DST: variants seen among roughly 807,000 people sequenced by gnomAD.
DST encodes the protein dystonin, also known as bullous pemphigoid antigen.
In DST, 253 loss-of-function variants were observed where a neutral mutation model predicts 875.2. That is an observed-to-expected ratio of 0.29 (90% confidence interval 0.26 to 0.32). DST has a LOEUF of 0.32. Ranked by LOEUF, DST falls within the 10% of genes least tolerant of loss-of-function variation. The pLI, the probability that DST is intolerant of heterozygous loss-of-function variation, is 1.00. For synonymous variants in DST, 3,124 were observed against 3,197.1 expected (o/e 0.98, Z 0.77); for missense variants, 8,287 against 9,111.6 (o/e 0.91, Z 3.68).
intron 77 of DST, 50 bp downstream of exon 77, chr6:56,506,393 A>G: frequency 6.9e-7 from 1 of 1,454,350 alleles, no homozygotes; most frequent in Non-Finnish European, 9.4e-7. Flanking sequence ...ATCAATTAGT[A>G]CGATTCCTCC....
intron 82 of DST, among the ~76,000 whole-genome samples, chr6:56,496,273 A>T (rs2152449159): frequency 6.6e-6 from 1 of 152,314 alleles, no homozygotes; most frequent in South Asian, 2.1e-4. Flanking sequence ...TTTCTATGAA[A>T]GAAAGCCCAC....
chr6:56,953,083 G>A (rs1562514426), intron 2 of DST, among the ~76,000 whole-genome samples: 1 of 152,174 alleles, frequency 6.6e-6, no homozygotes, highest in African/African-American at 2.4e-5. Flanking sequence ...CAAGCCTGGC[G>A]GCGTGCAACT....
At chr6:56,893,581 T>TTA (rs1788919487) in intron 3 of DST, among the ~76,000 whole-genome samples, 3 of 87,036 alleles carry the variant, frequency 3.4e-5, no homozygotes, top group Non-Finnish European at 2.3e-5. Context: ...TTTTTTTTTT[T>TTA]TTTTTTATTT....
chr6:56,651,075 A>T, intron 11 of DST, 43 bp from the exon 12 acceptor site: 1 of 1,589,208 alleles, frequency 6.3e-7, no homozygotes, highest in African/African-American at 1.3e-5. Context: ...AATGTTGATA[A>T]ATTACTTTTG....
In DST at chr6:56,645,922, C is replaced by T. The variant is rs549595253; in HGVS notation, c.1722G>A (p.Gly574=). ...TCTCTAGCATGGCAATAATGAGTTTCCCCCACTCTTTTTCTATGTCATTTG... is the reference window on the plus strand; with the variant it reads ...TCTCTAGCATGGCAATAATGAGTTTTCCCCACTCTTTTTCTATGTCATTTG... ...YHPNDIEKEW[G]KLIIAMLERE... The change falls in exon 15 of 104, where the codon GGG becomes GGA. Residue 574 remains glycine, a synonymous_variant. Transcript: ENST00000680361. 135 of 1,613,774 alleles carry T rather than the reference C, an allele frequency of 8.4e-5. 1 individual carries two copies. The East Asian group carries it at 2.8e-3, about 34-fold the overall frequency.
chr6:56,902,212 T>C lies in DST; in HGVS notation c.217-1591A>G, dbSNP rs79694572. Among the ~76,000 whole-genome samples, 1,360 of 152,286 alleles carry C rather than the reference T, an allele frequency of 8.9e-3. 18 individuals are homozygous for C. Among genetic ancestry groups the C allele is most frequent in the African/African-American group, 0.031 (1,300 of 41,572 alleles). ...CTGGTATGAGGGTACAAGCTAAATA[T>C]GGTGGGAAACTAGTGAGAGATAAAC... On this transcript the variant is annotated intron_variant, in intron 2 of 103. Coordinates refer to ENST00000680361, the MANE Select transcript of DST (RefSeq NM_001374736.1).
chr6:56,791,485 G>A (rs2099723487), intron 4 of DST, among the ~76,000 whole-genome samples: 1 of 152,104 alleles, frequency 6.6e-6, no homozygotes, highest in Non-Finnish European at 1.5e-5. Context: ...ATAAATGTAT[G>A]ATTTAAAAAT....
intron 10 of DST, among the ~76,000 whole-genome samples, chr6:56,667,130 C>T (rs2099076077): frequency 6.6e-6 from 1 of 152,048 alleles, no homozygotes; most frequent in Admixed American, 6.6e-5. Context: ...GGCTGGTCTC[C>T]AACTCCTGAG....
At chr6:56,516,121 A>G (rs1324552356) in intron 71 of DST, among the ~76,000 whole-genome samples, 3 of 123,614 alleles carry the variant, frequency 2.4e-5, no homozygotes, top group African/African-American at 9.9e-5. Context: ...TATATATAGA[A>G]AGAGAGAGAG....
At chr6:56,669,448 T>G (rs1018003746) in intron 10 of DST, among the ~76,000 whole-genome samples, 3 of 151,732 alleles carry the variant, frequency 2.0e-5, no homozygotes, top group African/African-American at 7.3e-5. Context: ...ATACAAAAAT[T>G]AGCCGGGTGT....
chr6:56,888,060 C>G (rs1338396100), intron 3 of DST, among the ~76,000 whole-genome samples: 1 of 151,556 alleles, frequency 6.6e-6, no homozygotes, highest in Non-Finnish European at 1.5e-5. Context: ...AAGCGATTCT[C>G]CTGCCTCAGC....
At chr6:56,806,972 TGAGA>T (rs1590865548) in intron 4 of DST, among the ~76,000 whole-genome samples, 1 of 152,222 alleles carries the variant, frequency 6.6e-6, no homozygotes. Context: ...TAAAGATGGC[TGAGA>T]GAAATTAAAG....
intron 49 of DST, among the ~76,000 whole-genome samples, chr6:56,582,842 G>A (rs962371119): frequency 1.4e-4 from 21 of 151,970 alleles, no homozygotes; most frequent in Admixed American, 3.9e-4. Flanking sequence ...GAGAACATGC[G>A]GTGTTTGGTT....
chr6:56,720,797 C>A (rs897340816), intron 5 of DST, among the ~76,000 whole-genome samples: 15 of 152,292 alleles, frequency 9.8e-5, no homozygotes, highest in Admixed American at 5.9e-4. Flanking sequence ...TTTCTTTTCC[C>A]CACATTTCCC....
chr6:56,658,424 C>G (rs1398081130), intron 10 of DST, among the ~76,000 whole-genome samples: 1 of 152,060 alleles, frequency 6.6e-6, no homozygotes, highest in Non-Finnish European at 1.5e-5. Context: ...AAATCACGTA[C>G]AGAGCATCTG....
In DST at chr6:56,763,086, G is replaced by C. The variant is rs188296557; in HGVS notation, c.626-27797C>G. ...GCTGGTCTCGAACTCCTGACCTCAG[G>C]TGATCTGCCCATCTCGGCCTCCCAA... On this transcript the variant is annotated intron_variant, in intron 4 of 103. Transcript: ENST00000680361. Among the ~76,000 whole-genome samples, 1,343 of 152,054 alleles carry C rather than the reference G, an allele frequency of 8.8e-3. 16 individuals carry two copies. Among genetic ancestry groups the C allele is most frequent in the African/African-American group, 0.03 (1,234 of 41,488 alleles).
At chr6:56,951,969 A>AT (rs564845376) in intron 2 of DST, among the ~76,000 whole-genome samples, 57 of 150,540 alleles carry the variant, frequency 3.8e-4, no homozygotes, top group Admixed American at 8.6e-4. Flanking sequence ...CCACTAGGAG[A>AT]TTTTTTTTTT....
At chr6:56,672,904 A>G (rs2099109182) in intron 9 of DST, among the ~76,000 whole-genome samples, 1 of 152,234 alleles carries the variant, frequency 6.6e-6, no homozygotes, top group Admixed American at 6.5e-5. Flanking sequence ...GCTGCCTTAA[A>G]CTAATGAAAA....
Position 56,703,686 on chromosome 6 carries a change from A to G in DST, c.838T>C (p.Tyr280His). The G allele has an allele frequency of 2.0e-6, 2 of 985,320 alleles. No individual in the cohort carries two copies. The highest frequency in any genetic ancestry group is 2.4e-6 in the Non-Finnish European group (2 of 829,896). The allele number at this position is 985,320 out of a possible 1,614,324, so 61.0% of individuals were successfully genotyped here. A position where few individuals can be genotyped will look rare whatever the true frequency, so the allele number is the denominator to read the frequency against. ...TCCTCCACATCCTCATGCTGTTCATATTCGCATGCTTCTGTTGCACTCACC... is the reference window on the plus strand; with the variant it reads ...TCCTCCACATCCTCATGCTGTTCATGTTCGCATGCTTCTGTTGCACTCACC... ...RLVSATEACE[Y>H]EQHEDVEDED... The change falls in exon 7 of 104, where the codon TAT becomes CAT. Residue 280 changes from tyrosine (Y) to histidine (H), a missense_variant. By Grantham distance (83) the Tyr-to-His change is moderately conservative (BLOSUM62 2). Coordinates refer to ENST00000680361, the MANE Select transcript of DST (RefSeq NM_001374736.1).
Sources: gnomAD v4.1 joint callset for allele counts (sites outside exome capture counted in the v4.1 genomes callset) on GRCh38, gnomAD v4.1.1 for gene constraint, MANE v1.5 for transcripts, NCBI Gene and HGNC (gene_info 2026-07-23, HGNC 2026-07-21) for gene names.